Variants in GNA11 observed in about 807,000 individuals in gnomAD.
GNA11 encodes guanine nucleotide-binding protein subunit alpha-11.
In GNA11, 8 loss-of-function variants were observed where a neutral mutation model predicts 38.2. The ratio of observed to expected loss-of-function variants is 0.21; its 90% CI spans 0.12 to 0.38. The LOEUF is 0.38. GNA11 is among the 10% of genes least tolerant of loss of function. The probability of loss-of-function intolerance (pLI) is 1.00; values close to 1 mark genes in which losing one functional copy is unlikely to be tolerated. For synonymous variants in GNA11, 211 were observed against 221.4 expected (o/e 0.95, Z 0.42); for missense variants, 268 against 516.3 (o/e 0.52, Z 4.66).
rs569915712 is a variant in GNA11, at chr19:3,121,551, C to T, written c.*372C>T. On this transcript the variant is annotated 3_prime_UTR_variant, in exon 7 of 7. Coordinates refer to ENST00000078429, the MANE Select transcript of GNA11 (RefSeq NM_002067.5). ...GTGACTCTGGGCCTCACAGAGCCCC[C>T]GCCAGCCAGCATGGGGCCCCGCCCT... 1.0e-4 allele frequency: 24 copies of T among 236,844 alleles called. No homozygotes were observed. The highest frequency in any genetic ancestry group is 3.5e-4 in the African/African-American group (16 of 45,514). 14.7% of individuals were successfully genotyped at this position (236,844 alleles called of 1,614,324 possible). A position where few individuals can be genotyped will look rare whatever the true frequency, so the allele number is the denominator to read the frequency against.
chr19:3,118,767 T>TGA (rs1388048977), intron 4 of GNA11, 157 bp from the exon 5 acceptor site: 1 of 679,430 alleles, frequency 1.5e-6, no homozygotes, highest in Non-Finnish European at 2.5e-6. Context: ...GGCCGCTCTC[T>TGA]GAGAGCGTCC....
chr19:3,106,845 C>T (rs1056316803), intron 1 of GNA11, among the ~76,000 whole-genome samples: 28 of 152,358 alleles, frequency 1.8e-4, no homozygotes, highest in African/African-American at 5.8e-4. Context: ...GTGTGAGCCA[C>T]CTCCCTCCCC....
chr19:3,104,856 G>A (rs1489623037), intron 1 of GNA11, among the ~76,000 whole-genome samples: 4 of 152,154 alleles, frequency 2.6e-5, no homozygotes, highest in Admixed American at 6.5e-5. Flanking sequence ...CCTGAACGCC[G>A]GGCTCTTGGA....
At chr19:3,115,166 G>A (rs2145321520) in intron 4 of GNA11, 94 bp downstream of exon 4, 2 of 1,408,962 alleles carry the variant, frequency 1.4e-6, no homozygotes, top group Non-Finnish European at 2.0e-6. Flanking sequence ...TGCTTTGGGA[G>A]GCCAAGGCGG....
Position 3,110,454 on chromosome 19 carries a change from CT to C in GNA11, c.321+122del, listed in dbSNP as rs1227673491. 4.2e-6 allele frequency: 3 copies of C among 717,812 alleles called. No individual in the cohort carries two copies. Among genetic ancestry groups the C allele is most frequent in the African/African-American group, 1.8e-5 (1 of 56,608 alleles). The allele number at this position is 717,812 out of a possible 1,614,324, so 44.5% of individuals were successfully genotyped here. On this transcript the variant is annotated intron_variant, in intron 2 of 6. Coordinates refer to ENST00000078429, the MANE Select transcript of GNA11 (RefSeq NM_002067.5). This position sits in a 1 kb window ranked among gnomAD's most constrained non-coding sequence, Gnocchi z 5.4. ...GGGTCCCGGCCGGCCCAGGCTACCC[CT>C]GGTCATCCATCCGTTCCTGTCATGG...
chr19:3,100,405 G>A (rs545021798), intron 1 of GNA11, among the ~76,000 whole-genome samples: 2 of 152,232 alleles, frequency 1.3e-5, no homozygotes, highest in South Asian at 4.1e-4. Context: ...CGTCAGCTGC[G>A]TGTCCTTGGT....
In GNA11 at chr19:3,094,593, C is replaced by CGGGCCGG. The variant is rs1913313324; in HGVS notation, c.-48_-42dup. On this transcript the variant is annotated 5_prime_UTR_variant, in exon 1 of 7. Coordinates refer to ENST00000078429, the MANE Select transcript of GNA11 (RefSeq NM_002067.5). This position sits in a 1 kb window ranked among gnomAD's most constrained non-coding sequence, Gnocchi z 6.0. ...CGGCCGAGGCGGCTCCGGCCAGGGC[C>CGGGCCGG]GGGCCGGGGGCCGGGGGGCGGCGGC... 6 of 902,752 alleles carry CGGGCCGG rather than the reference C, an allele frequency of 6.6e-6. No individual in the cohort carries two copies. In the African/African-American group the frequency reaches 7.4e-5, roughly 11 times the overall value. The allele number at this position is 902,752 out of a possible 1,614,324, so 55.9% of individuals were successfully genotyped here.
intron 1 of GNA11, among the ~76,000 whole-genome samples, chr19:3,109,663 G>A (rs1913722300): frequency 6.6e-6 from 1 of 152,158 alleles, no homozygotes; most frequent in Non-Finnish European, 1.5e-5. Context: ...TCTGGGGAAG[G>A]GGGCGCCCAG....
rs544025197 is a variant in GNA11, at chr19:3,123,674, C to T, written c.*2495C>T. ...GGGAGGCATCCCCGTGCCAATGTCC[C>T]CCAGTGGTGGCAGCAGATCCTGTGG... is the stretch of plus-strand genomic sequence containing the variant. On this transcript the variant is annotated 3_prime_UTR_variant, in exon 7 of 7. Transcript: ENST00000078429. The T allele has an allele frequency of 4.2e-4, 97 of 233,268 alleles. 2 individuals carry two copies. Among genetic ancestry groups the T allele is most frequent in the South Asian group, 3.1e-3 (17 of 5,530 alleles). The allele number at this position is 233,268 out of a possible 1,614,324, so 14.4% of individuals were successfully genotyped here. A position where few individuals can be genotyped will look rare whatever the true frequency, so the allele number is the denominator to read the frequency against.
At chr19:3,107,633 T>G (rs1395006417) in intron 1 of GNA11, among the ~76,000 whole-genome samples, 3 of 152,188 alleles carry the variant, frequency 2.0e-5, no homozygotes, top group Non-Finnish European at 2.9e-5. Flanking sequence ...AGCATTTTGT[T>G]AGACATAGAG....
At chr19:3,114,119 G>T (rs1052261114) in intron 3 of GNA11, among the ~76,000 whole-genome samples, 1 of 152,090 alleles carries the variant, frequency 6.6e-6, no homozygotes, top group South Asian at 2.1e-4. Context: ...GGACAGGCCT[G>T]TCCCCCGCCC....
In GNA11 at chr19:3,097,652, G is replaced by T. The variant is rs568015097; in HGVS notation, c.136+2865G>T. 3.3e-5 allele frequency among the ~76,000 whole-genome samples: 5 copies of T among 152,360 alleles called. No individual in the cohort carries two copies. The South Asian group carries it at 1.0e-3, about 32-fold the overall frequency. On this transcript the variant is annotated intron_variant, in intron 1 of 6. Coordinates refer to ENST00000078429, the MANE Select transcript of GNA11 (RefSeq NM_002067.5). ...GGTCAGCCTGGCGAGGACATTCCGTGCCCCGTTTTCGGGGTGGGGGGGACC... is the reference window on the plus strand; with the variant it reads ...GGTCAGCCTGGCGAGGACATTCCGTTCCCCGTTTTCGGGGTGGGGGGGACC...
chr19:3,114,087 G>C (rs1056160880), intron 3 of GNA11, among the ~76,000 whole-genome samples: 1 of 152,134 alleles, frequency 6.6e-6, no homozygotes, highest in African/African-American at 2.4e-5. Flanking sequence ...CCCCAGCACC[G>C]GGAGAGACCC....
chr19:3,099,028 T>C (rs1599295866), intron 1 of GNA11, among the ~76,000 whole-genome samples: 1 of 152,312 alleles, frequency 6.6e-6, no homozygotes, highest in Admixed American at 6.5e-5. Flanking sequence ...CTGCCGGTGC[T>C]GTAGTGAGAG....
At chr19:3,111,206 T>C (rs1209375266) in intron 2 of GNA11, among the ~76,000 whole-genome samples, 1 of 152,192 alleles carries the variant, frequency 6.6e-6, no homozygotes, top group Non-Finnish European at 1.5e-5. Context: ...CTTCACTTGC[T>C]TAAAGTGTAT....
Position 3,121,471 on chromosome 19 carries a change from G to T in GNA11, c.*292G>T. The T allele has an allele frequency of 1.3e-5, 2 of 150,250 alleles. No homozygotes were observed. Among genetic ancestry groups the T allele is most frequent in the Non-Finnish European group, 1.4e-5 (1 of 73,922 alleles). 9.3% of individuals were successfully genotyped at this position (150,250 alleles called of 1,614,324 possible). On this transcript the variant is annotated 3_prime_UTR_variant, in exon 7 of 7. Coordinates refer to ENST00000078429, the MANE Select transcript of GNA11 (RefSeq NM_002067.5). ...CTTTTTTCTAAAAAAAAAAAAAAAAGAAAGAAAGAAAAAAAGCAACGAAAC... is the reference window on the plus strand; with the variant it reads ...CTTTTTTCTAAAAAAAAAAAAAAAATAAAGAAAGAAAAAAAGCAACGAAAC...
chr19:3,117,229 A>G (rs537360831), intron 4 of GNA11: 3 of 152,224 alleles, frequency 2.0e-5, no homozygotes, highest in Admixed American at 1.3e-4. Context: ...AGGTTGTGGC[A>G]TGAATGTCCC....
At position 3,121,348 on chromosome 19, in the gene GNA11, T is replaced by C. The variant is rs1914069328; in HGVS notation, c.*169T>C. ...ACAAATGGTTTTTATTTCACAGTTA[T>C]CAGGGGATGTACATCTCTCCCTCCG... On this transcript the variant is annotated 3_prime_UTR_variant, in exon 7 of 7. Coordinates refer to ENST00000078429, the MANE Select transcript of GNA11 (RefSeq NM_002067.5). The C allele has an allele frequency of 1.7e-6, 1 of 572,846 alleles. No homozygotes were observed. Among genetic ancestry groups the C allele is most frequent in the Non-Finnish European group, 3.1e-6 (1 of 322,154 alleles). The allele number at this position is 572,846 out of a possible 1,614,324, so 35.5% of individuals were successfully genotyped here.
In GNA11 at chr19:3,110,756, G is replaced by A. The variant is rs931242446; in HGVS notation, c.321+423G>A. Among the ~76,000 whole-genome samples the A allele has an allele frequency of 1.3e-4, 20 of 152,060 alleles. No individual in the cohort carries two copies. Among genetic ancestry groups the A allele is most frequent in the Non-Finnish European group, 5.9e-5 (4 of 68,028 alleles). ...GTTTCGGCCCTGACACTCACCCATG[G>A]GGCTGTACTTCTCACCTTCTCACAC... On this transcript the variant is annotated intron_variant, in intron 2 of 6. Transcript: ENST00000078429. This position sits in a 1 kb window ranked among gnomAD's most constrained non-coding sequence, Gnocchi z 5.4.
Sources: allele counts gnomAD v4.1 joint callset (sites outside exome capture counted in the v4.1 genomes callset), GRCh38; gene constraint gnomAD v4.1.1; non-coding constraint Gnocchi (gnomAD v3.1); transcripts MANE v1.5; gene names NCBI Gene and HGNC (gene_info 2026-07-23, HGNC 2026-07-21).